Variants in LRMDA observed in about 807,000 individuals in gnomAD.
LRMDA encodes the protein leucine rich melanocyte differentiation associated.
LRMDA carries 18 observed loss-of-function variants against 29.8 expected under a neutral mutation model. That is an observed-to-expected ratio of 0.60 (90% CI 0.42 to 0.90). LRMDA has a LOEUF of 0.90. Ranked by LOEUF, LRMDA falls within the 40% of genes least tolerant of loss-of-function variation. The probability of loss-of-function intolerance (pLI) is 0.00; values close to 1 mark genes in which losing one functional copy is unlikely to be tolerated. For missense variants in LRMDA, 273 were observed against 273.9 expected (o/e 1.00, Z 0.02); for synonymous variants, 125 against 109.4 (o/e 1.14, Z -0.89).
intron 5 of LRMDA, among the ~76,000 whole-genome samples, chr10:76,123,279 C>CA (rs1849821626): frequency 6.6e-6 from 1 of 150,750 alleles, no homozygotes; most frequent in African/African-American, 2.4e-5. Flanking sequence ...GAGGCCAAGG[C>CA]AGTCAGATTG....
At chr10:76,232,982 ATGT>A (rs1852088171) in intron 5 of LRMDA, among the ~76,000 whole-genome samples, 1 of 152,234 alleles carries the variant, frequency 6.6e-6, no homozygotes, top group African/African-American at 2.4e-5. Context: ...GGGTAGGTAT[ATGT>A]AAAATAGGTG....
intron 2 of LRMDA, among the ~76,000 whole-genome samples, chr10:75,671,675 A>C (rs1841893046): frequency 6.6e-6 from 1 of 152,118 alleles, no homozygotes; most frequent in South Asian, 2.1e-4. Flanking sequence ...ATTAACAGAA[A>C]TACCTAATGT....
chr10:75,715,505 A>G (rs956611450), intron 2 of LRMDA, among the ~76,000 whole-genome samples: 2 of 152,130 alleles, frequency 1.3e-5, no homozygotes, highest in Non-Finnish European at 2.9e-5. Context: ...TCATTCTATA[A>G]TCTTACTTTG....
At chr10:76,162,105 G>A (rs1014995868) in intron 5 of LRMDA, among the ~76,000 whole-genome samples, 3 of 152,168 alleles carry the variant, frequency 2.0e-5, no homozygotes, top group Admixed American at 6.6e-5. Context: ...AGTCAATCCT[G>A]CAAGTGTTAT....
chr10:76,077,032 T>C (rs1589316358), intron 5 of LRMDA, among the ~76,000 whole-genome samples: 1 of 152,240 alleles, frequency 6.6e-6, no homozygotes, highest in African/African-American at 2.4e-5. Flanking sequence ...GTTTGTCCTA[T>C]ATGTCTAGCT....
rs544401105 is a variant in LRMDA, at chr10:75,495,256, C to T, written c.131+56762C>T. Among the ~76,000 whole-genome samples, 13 of 152,192 alleles carry T rather than the reference C, an allele frequency of 8.5e-5. No individual in the cohort carries two copies. In the East Asian group the frequency reaches 9.6e-4, roughly 11 times the overall value. Reference sequence around the variant, plus strand: ...TCTGTCTCCTTCTCCCTCTCTCCCTCCCTCCCTTCTGTTTTCCAAGCTGTA... The same window carrying T: ...TCTGTCTCCTTCTCCCTCTCTCCCTTCCTCCCTTCTGTTTTCCAAGCTGTA... On this transcript the variant is annotated intron_variant, in intron 2 of 6. Transcript: ENST00000611255.
chr10:75,605,809 G>A (rs1041301436), intron 2 of LRMDA, among the ~76,000 whole-genome samples: 6 of 152,148 alleles, frequency 3.9e-5, no homozygotes, highest in Admixed American at 6.6e-5. Context: ...TGATGGCAGC[G>A]GCTGGGAACT....
intron 6 of LRMDA, among the ~76,000 whole-genome samples, chr10:76,546,666 CCAATT>C (rs1843424716): frequency 2.0e-5 from 3 of 152,130 alleles, no homozygotes; most frequent in African/African-American, 7.2e-5. Context: ...GCCAGTAACT[CCAATT>C]TGTGTTTACT....
Position 75,515,736 on chromosome 10 carries a change from G to A in LRMDA, c.131+77242G>A, listed in dbSNP as rs370398860. On this transcript the variant is annotated intron_variant, in intron 2 of 6. Coordinates refer to ENST00000611255, the MANE Select transcript of LRMDA (RefSeq NM_001305581.2). The stretch of plus-strand genomic sequence containing the variant: ...TTTAAATTATACTTTAAGTTCTAGG[G>A]TACACGTGCACAATGTGCAGGTTTG... Among the ~76,000 whole-genome samples, 4 of 151,868 alleles carry A rather than the reference G, an allele frequency of 2.6e-5. No individual in the cohort carries two copies. In the East Asian group the frequency reaches 7.7e-4, roughly 29 times the overall value.
intron 4 of LRMDA, among the ~76,000 whole-genome samples, chr10:76,052,827 C>T (rs531284603): frequency 6.6e-6 from 1 of 152,072 alleles, no homozygotes; most frequent in Non-Finnish European, 1.5e-5. Context: ...CTGACTCTCA[C>T]CCCCACCCCT....
intron 5 of LRMDA, among the ~76,000 whole-genome samples, chr10:76,157,239 A>G (rs2132172844): frequency 6.6e-6 from 1 of 152,294 alleles, no homozygotes; most frequent in South Asian, 2.1e-4. Flanking sequence ...TCTAGATCTC[A>G]TTTTCCAAAA....
At chr10:75,555,942 T>C (rs569692660) in intron 2 of LRMDA, among the ~76,000 whole-genome samples, 2 of 152,276 alleles carry the variant, frequency 1.3e-5, no homozygotes, top group African/African-American at 4.8e-5. Context: ...CTGGATGAGC[T>C]TAATGGTAGA....
intron 2 of LRMDA, among the ~76,000 whole-genome samples, chr10:75,766,863 A>G (rs1364016480): frequency 6.6e-6 from 1 of 151,962 alleles, no homozygotes; most frequent in Non-Finnish European, 1.5e-5. Flanking sequence ...CTCCTTGTTC[A>G]ACTCCCACTT....
rs562291519 is a variant in LRMDA at position 76,385,421 on chromosome 10, C to T, written c.601+60936C>T. ...CATCACAGGTCGGTATCCTGGGAGA[C>T]CCCAAAAGGTATGATACTTTCAGAG... On this transcript the variant is annotated intron_variant, in intron 6 of 6. Transcript: ENST00000611255. Among the ~76,000 whole-genome samples, 50 of 152,228 alleles carry T rather than the reference C, an allele frequency of 3.3e-4. 1 individual carries two copies. The South Asian group carries it at 4.4e-3, about 13-fold the overall frequency.
intron 6 of LRMDA, among the ~76,000 whole-genome samples, chr10:76,408,608 T>C (rs1029781031): frequency 6.6e-6 from 1 of 152,254 alleles, no homozygotes; most frequent in Admixed American, 6.5e-5. Flanking sequence ...ATAAGAGCTG[T>C]AATGTTTGAG....
chr10:75,465,328 C>T (rs1844635124), intron 2 of LRMDA, among the ~76,000 whole-genome samples: 1 of 152,168 alleles, frequency 6.6e-6, no homozygotes, highest in South Asian at 2.1e-4. Flanking sequence ...TTGCACATGT[C>T]TTCTGTTCGC....
intron 2 of LRMDA, among the ~76,000 whole-genome samples, chr10:75,950,019 C>A (rs1846545934): frequency 6.6e-6 from 1 of 152,154 alleles, no homozygotes; most frequent in Non-Finnish European, 1.5e-5. Context: ...TCTGGAATCA[C>A]CTTGGTTCCC....
At chr10:75,969,615 T>C (rs1259783964) in intron 2 of LRMDA, among the ~76,000 whole-genome samples, 1 of 152,264 alleles carries the variant, frequency 6.6e-6, no homozygotes, top group African/African-American at 2.4e-5. Flanking sequence ...TTTTTCTTCT[T>C]GGTACCTTTC....
At chr10:75,457,103 C>T (rs562838870) in intron 2 of LRMDA, among the ~76,000 whole-genome samples, 1 of 152,312 alleles carries the variant, frequency 6.6e-6, no homozygotes, top group African/African-American at 2.4e-5. Flanking sequence ...GCAAGGTGTT[C>T]TTTCCAGCTT....
Sources: allele counts gnomAD v4.1 joint callset (sites outside exome capture counted in the v4.1 genomes callset), GRCh38; gene constraint gnomAD v4.1.1; transcripts MANE v1.5; gene names NCBI Gene and HGNC (gene_info 2026-07-23, HGNC 2026-07-21).